Variants in ANKS1B observed in about 807,000 individuals in gnomAD.
ANKS1B encodes ankyrin repeat and sterile alpha motif domain-containing protein 1B.
A neutral mutation model predicts 148.3 loss-of-function variants in ANKS1B; 36 were observed. The ratio of observed to expected loss-of-function variants is 0.24; its 90% confidence interval spans 0.19 to 0.32. The LOEUF is 0.32. Among genes scored for constraint, ANKS1B ranks in the 10% least tolerant of loss-of-function variants. The probability of loss-of-function intolerance (pLI) is 1.00; values close to 1 mark genes in which losing one functional copy is unlikely to be tolerated. For synonymous variants in ANKS1B, 542 were observed against 560.8 expected, an observed-to-expected ratio of 0.97 and a Z score of 0.47; for missense variants, 1,157 against 1,542.6, an observed-to-expected ratio of 0.75 and a Z score of 4.19.
intron 17 of ANKS1B, among the ~76,000 whole-genome samples, chr12:99,050,858 AT>A (rs576571213): frequency 1.6e-3 from 220 of 141,086 alleles, no homozygotes; most frequent in Middle Eastern, 3.6e-3. Flanking sequence ...CGCCCGGCTA[AT>A]TTTTTTTTTT....
At chr12:99,635,696 A>G (rs771240248) in intron 9 of ANKS1B, among the ~76,000 whole-genome samples, 9 of 152,170 alleles carry the variant, frequency 5.9e-5, no homozygotes, top group Non-Finnish European at 1.0e-4. Flanking sequence ...TAACATGAAT[A>G]CAATTACCAC....
At chr12:98,811,464 C>A (rs976856008) in intron 19 of ANKS1B, among the ~76,000 whole-genome samples, 1 of 152,130 alleles carries the variant, frequency 6.6e-6, no homozygotes, top group East Asian at 1.9e-4. Context: ...TGTGTCAGCT[C>A]GGTAGGTGCT....
intron 17 of ANKS1B, among the ~76,000 whole-genome samples, chr12:98,857,645 GAATA>G (rs764060618): frequency 2.0e-5 from 3 of 151,812 alleles, no homozygotes; most frequent in Non-Finnish European, 2.9e-5. Context: ...GAATAAATAT[GAATA>G]AATGAATGAA....
chr12:99,559,730 A>T (rs1470051934), intron 9 of ANKS1B, among the ~76,000 whole-genome samples: 1 of 152,336 alleles, frequency 6.6e-6, no homozygotes, highest in Middle Eastern at 3.4e-3. Flanking sequence ...TAATAACAAA[A>T]GTCAGATATT....
chr12:99,504,676 T>A, intron 9 of ANKS1B, 35 bp from the exon 10 acceptor site: 1 of 1,441,838 alleles, frequency 6.9e-7, no homozygotes, highest in South Asian at 1.4e-5. Flanking sequence ...AGCTTTGTGA[T>A]GAAGAAACAG....
chr12:98,760,464 A>C (rs554101591), intron 25 of ANKS1B, among the ~76,000 whole-genome samples: 14 of 152,218 alleles, frequency 9.2e-5, no homozygotes, highest in South Asian at 4.1e-4. Flanking sequence ...CAGGGTTTCA[A>C]CATGTTGCCC....
chr12:99,868,347 C>A (rs895816690), intron 1 of ANKS1B, among the ~76,000 whole-genome samples: 1 of 152,102 alleles, frequency 6.6e-6, no homozygotes, highest in Non-Finnish European at 1.5e-5. Context: ...GTATATTATA[C>A]TTCAACAATA....
At chr12:98,898,192 A>C (rs562629324) in intron 17 of ANKS1B, among the ~76,000 whole-genome samples, 1 of 152,274 alleles carries the variant, frequency 6.6e-6, no homozygotes, top group Admixed American at 6.5e-5. Flanking sequence ...GCATCTATAA[A>C]AATAAAAATA....
intron 9 of ANKS1B, among the ~76,000 whole-genome samples, chr12:99,597,161 G>T (rs940725167): frequency 1.3e-5 from 2 of 151,558 alleles, no homozygotes; most frequent in Non-Finnish European, 2.9e-5. Context: ...TTGCTCTAAT[G>T]ACTAGTGATG....
intron 1 of ANKS1B, among the ~76,000 whole-genome samples, chr12:99,953,341 A>G (rs2095260005): frequency 6.6e-6 from 1 of 152,236 alleles, no homozygotes; most frequent in African/African-American, 2.4e-5. Context: ...ACACAGGAAG[A>G]TGAGGATGTT....
intron 24 of ANKS1B, among the ~76,000 whole-genome samples, chr12:98,776,358 C>A (rs1198759831): frequency 2.6e-5 from 4 of 152,208 alleles, no homozygotes; most frequent in Non-Finnish European, 4.4e-5. Flanking sequence ...CTGGACTCCT[C>A]ACATGTTGAT....
intron 15 of ANKS1B, among the ~76,000 whole-genome samples, chr12:99,092,183 G>A (rs779042713): frequency 4.6e-5 from 7 of 152,096 alleles, no homozygotes; most frequent in Non-Finnish European, 1.0e-4. Context: ...TACCCACAAA[G>A]CTTCAACTTC....
intron 14 of ANKS1B, among the ~76,000 whole-genome samples, chr12:99,218,724 C>T (rs187883246): frequency 6.6e-6 from 1 of 152,276 alleles, no homozygotes; most frequent in Admixed American, 6.5e-5. Context: ...ATTTCATGGT[C>T]TGTAAAGTGG....
chr12:99,724,178 C>T (rs1015702203), intron 8 of ANKS1B, among the ~76,000 whole-genome samples: 1 of 152,122 alleles, frequency 6.6e-6, no homozygotes, highest in African/African-American at 2.4e-5. Flanking sequence ...CAGAAGTAGG[C>T]TTCAGAAGGT....
chr12:98,852,606 G>T (rs2099535863), intron 17 of ANKS1B, among the ~76,000 whole-genome samples: 1 of 152,128 alleles, frequency 6.6e-6, no homozygotes, highest in South Asian at 2.1e-4. Flanking sequence ...CCTTTTTACT[G>T]TGTTTAATCC....
rs58588885 is a variant in ANKS1B at position 99,560,840 on chromosome 12, C to CTTTTTTTTTTT, written c.1273-56210_1273-56200dup. ...TGCAATGGCAATTTCTTTCTTTTTT[C>CTTTTTTTTTTT]TTTTTTTTTTTTTTTTTTTTTTTTG... On this transcript the variant is annotated intron_variant, in intron 9 of 26. Transcript: ENST00000683438. Among the ~76,000 whole-genome samples the CTTTTTTTTTTT allele has an allele frequency of 7.4e-3, 530 of 71,838 alleles. 1 individual carries two copies. Among genetic ancestry groups the CTTTTTTTTTTT allele is most frequent in the Middle Eastern group, 0.026 (2 of 76 alleles). The allele number at this position is 71,838 out of a possible 152,430, so 47.1% of individuals were successfully genotyped here. A position where few individuals can be genotyped will look rare whatever the true frequency, so the allele number is the denominator to read the frequency against.
intron 17 of ANKS1B, among the ~76,000 whole-genome samples, chr12:99,029,536 C>T (rs991333238): frequency 6.6e-6 from 1 of 152,208 alleles, no homozygotes; most frequent in Non-Finnish European, 1.5e-5. Context: ...ACAGCACAAT[C>T]TACAGTGAAG....
At chr12:99,042,499 G>C (rs561940107) in intron 17 of ANKS1B, among the ~76,000 whole-genome samples, 1 of 152,214 alleles carries the variant, frequency 6.6e-6, no homozygotes, top group South Asian at 2.1e-4. Context: ...CTAAATCGCT[G>C]ACCCACAAAC....
intron 11 of ANKS1B, among the ~76,000 whole-genome samples, chr12:99,410,224 T>C (rs2094647478): frequency 6.6e-6 from 1 of 152,232 alleles, no homozygotes. Context: ...GACATAGCCA[T>C]GTCCATTCAT....
Sources: gnomAD v4.1 joint callset for allele counts (sites outside exome capture counted in the v4.1 genomes callset) on GRCh38, gnomAD v4.1.1 for gene constraint, MANE v1.5 for transcripts, NCBI Gene and HGNC (gene_info 2026-07-23, HGNC 2026-07-21) for gene names.